ANO4: variants seen among roughly 807,000 people sequenced by gnomAD.
The protein encoded by ANO4 is anoctamin-4.
ANO4 carries 69 observed loss-of-function variants against 141.9 expected under a neutral mutation model. That is an observed-to-expected ratio of 0.49 (90% CI 0.40 to 0.59). The LOEUF (loss-of-function observed/expected upper bound fraction) is 0.59. Among genes scored for constraint, ANO4 ranks in the 20% least tolerant of loss-of-function variants. The probability of loss-of-function intolerance (pLI) is 0.00; values close to 1 mark genes in which losing one functional copy is unlikely to be tolerated. For synonymous variants in ANO4, 350 were observed against 394.3 expected (o/e 0.89, Z 1.33); for missense variants, 894 against 1,162.2 (o/e 0.77, Z 3.36).
chr12:101,084,768 T>C (rs2049415955), intron 16 of ANO4, among the ~76,000 whole-genome samples: 2 of 152,342 alleles, frequency 1.3e-5, no homozygotes, highest in South Asian at 2.1e-4. Context: ...GTATTGTTTC[T>C]TACAAAGACC....
chr12:101,113,345 A>T (rs1444086371), intron 24 of ANO4, among the ~76,000 whole-genome samples: 3 of 152,226 alleles, frequency 2.0e-5, no homozygotes, highest in Admixed American at 6.5e-5. Context: ...ATAGTGAATC[A>T]AAGATTTAGA....
At chr12:101,047,510 C>T (rs111763255) in intron 13 of ANO4, among the ~76,000 whole-genome samples, 17 of 152,116 alleles carry the variant, frequency 1.1e-4, no homozygotes, top group African/African-American at 4.1e-4. Flanking sequence ...CATGAAAAAC[C>T]TCTTTATATT....
intron 2 of ANO4, among the ~76,000 whole-genome samples, chr12:100,904,142 C>A (rs2040729483): frequency 6.6e-6 from 1 of 152,130 alleles, no homozygotes. Flanking sequence ...TAGGACCGAA[C>A]AAAACCTTCA....
intron 15 of ANO4, 102 bp downstream of exon 15, chr12:101,079,377 T>G: frequency 2.1e-6 from 2 of 970,604 alleles, no homozygotes; most frequent in Non-Finnish European, 3.2e-6. Flanking sequence ...GGAAGTCAGG[T>G]GTACTCATAA....
intron 9 of ANO4, among the ~76,000 whole-genome samples, chr12:101,024,589 C>A (rs970843477): frequency 7.5e-6 from 1 of 132,544 alleles, no homozygotes; most frequent in Non-Finnish European, 1.7e-5. Flanking sequence ...GAGTGAGACT[C>A]TGTCTCAAAA....
At chr12:100,815,147 A>G (rs2035664760) in intron 1 of ANO4, among the ~76,000 whole-genome samples, 1 of 152,142 alleles carries the variant, frequency 6.6e-6, no homozygotes, top group Non-Finnish European at 1.5e-5. Flanking sequence ...TGGATACGTA[A>G]GAATGTAGTG....
intron 1 of ANO4, among the ~76,000 whole-genome samples, chr12:100,881,004 C>T (rs918862534): frequency 2.0e-5 from 3 of 152,084 alleles, no homozygotes; most frequent in Admixed American, 6.6e-5. Context: ...TCAATTCCCA[C>T]CTATGAGTGA....
chr12:101,089,281 AG>A (rs1210405453), intron 17 of ANO4, among the ~76,000 whole-genome samples: 1 of 152,158 alleles, frequency 6.6e-6, no homozygotes, highest in East Asian at 1.9e-4. Flanking sequence ...AATTAAATGC[AG>A]GTAGCTCATT....
intron 16 of ANO4, among the ~76,000 whole-genome samples, chr12:101,085,028 G>A (rs1203555328): frequency 1.3e-5 from 2 of 152,204 alleles, no homozygotes; most frequent in South Asian, 4.1e-4. Context: ...ATCTGGACAG[G>A]TTTTTGTTTA....
chr12:100,870,201 A>G (rs2038962389), intron 1 of ANO4, among the ~76,000 whole-genome samples: 1 of 152,218 alleles, frequency 6.6e-6, no homozygotes, highest in Admixed American at 6.5e-5. Context: ...TCCTAAGTTA[A>G]GCAACACAGT....
intron 14 of ANO4, among the ~76,000 whole-genome samples, chr12:101,049,390 G>T (rs540659705): frequency 2.6e-5 from 4 of 151,988 alleles, no homozygotes; most frequent in Non-Finnish European, 4.4e-5. Flanking sequence ...ATGGCATTTT[G>T]TTCTTAGGGC....
In ANO4 at chr12:101,128,320, T is replaced by C. The variant is rs2137091933; in HGVS notation, c.*464T>C. On this transcript the variant is annotated 3_prime_UTR_variant, in exon 28 of 28. Coordinates refer to ENST00000392977, the MANE Select transcript of ANO4 (RefSeq NM_001286615.2). ...ACCAACAACACAGACAAGACCCTGT[T>C]TACAACTTTTTCTTTCCTTTTTTTT... The C allele has an allele frequency of 6.5e-6, 1 of 152,746 alleles. No individual in the cohort carries two copies. Among genetic ancestry groups the C allele is most frequent in the South Asian group, 2.1e-4 (1 of 4,818 alleles). 9.5% of individuals were successfully genotyped at this position (152,746 alleles called of 1,614,324 possible). A position where few individuals can be genotyped will look rare whatever the true frequency, so the allele number is the denominator to read the frequency against.
intron 1 of ANO4, among the ~76,000 whole-genome samples, chr12:100,846,549 A>G (rs1317218048): frequency 6.6e-6 from 1 of 152,204 alleles, no homozygotes. Context: ...TGTTGGAACC[A>G]TTAGACAAAT....
chr12:100,938,232 C>A (rs545533439), intron 3 of ANO4, among the ~76,000 whole-genome samples: 1 of 152,222 alleles, frequency 6.6e-6, no homozygotes, highest in African/African-American at 2.4e-5. Context: ...CCAAACTCTG[C>A]TCTTTTCATT....
chr12:101,043,693 G>T lies in ANO4; in HGVS notation c.1251+58G>T. On this transcript the variant is annotated intron_variant, in intron 13 of 27. Coordinates refer to ENST00000392977, the MANE Select transcript of ANO4 (RefSeq NM_001286615.2). ...GAATTTAACATACACCTTCCTGAGGGATGGTGGGTAACTCTATTCTGTCAT... is the reference window on the plus strand; with the variant it reads ...GAATTTAACATACACCTTCCTGAGGTATGGTGGGTAACTCTATTCTGTCAT... 3 of 1,273,570 alleles carry T rather than the reference G, an allele frequency of 2.4e-6. No homozygotes were observed. In the South Asian group the frequency reaches 3.6e-5, roughly 15 times the overall value. The allele number at this position is 1,273,570 out of a possible 1,614,324, so 78.9% of individuals were successfully genotyped here.
intron 2 of ANO4, among the ~76,000 whole-genome samples, chr12:100,916,846 A>G (rs1175805906): frequency 1.3e-5 from 2 of 152,124 alleles, no homozygotes; most frequent in African/African-American, 4.8e-5. Context: ...TAATCAAGAA[A>G]CTTATGTTTG....
intron 3 of ANO4, among the ~76,000 whole-genome samples, chr12:100,757,286 C>G (rs549788142): frequency 6.6e-6 from 1 of 152,210 alleles, no homozygotes; most frequent in Admixed American, 6.5e-5. Context: ...TACTTTGTCA[C>G]TTGTCTTCCT....
chr12:101,102,062 A>G (rs562927903), intron 22 of ANO4, among the ~76,000 whole-genome samples: 3 of 152,188 alleles, frequency 2.0e-5, no homozygotes, highest in East Asian at 3.9e-4. Context: ...CCAGCCTGGG[A>G]GAGAGAGCAA....
chr12:100,897,790 A>G (rs961941339), intron 1 of ANO4, among the ~76,000 whole-genome samples: 6 of 152,202 alleles, frequency 3.9e-5, no homozygotes, highest in African/African-American at 1.4e-4. Context: ...ATCAAGAATC[A>G]GGAGGACATT....
Sources: allele counts gnomAD v4.1 joint callset (sites outside exome capture counted in the v4.1 genomes callset), GRCh38; gene constraint gnomAD v4.1.1; transcripts MANE v1.5; gene names NCBI Gene and HGNC (gene_info 2026-07-23, HGNC 2026-07-21).